MED12L: variants seen among roughly 807,000 people sequenced by gnomAD.
MED12L encodes mediator of RNA polymerase II transcription subunit 12-like protein.
Under a neutral mutation model 281.3 loss-of-function variants are expected in MED12L, and 60 were observed. The ratio of observed to expected loss-of-function variants is 0.21; its 90% CI spans 0.17 to 0.26. The LOEUF (loss-of-function observed/expected upper bound fraction) is 0.26. Among genes scored for constraint, MED12L ranks in the 10% least tolerant of loss-of-function variants. MED12L has a pLI of 1.00. For missense variants in MED12L, 2,146 were observed against 2,680.9 expected (o/e 0.80, Z 4.41); for synonymous variants, 974 against 987.2 (o/e 0.99, Z 0.25).
chr3:151,230,540 G>A (rs1192979183), intron 16 of MED12L, among the ~76,000 whole-genome samples: 13 of 150,264 alleles, frequency 8.7e-5, no homozygotes, highest in African/African-American at 1.5e-4. Context: ...ACTGTGAAAC[G>A]TGCCAGGACT....
At chr3:151,315,645 C>G (rs1196594625) in intron 16 of MED12L, among the ~76,000 whole-genome samples, 2 of 152,118 alleles carry the variant, frequency 1.3e-5, no homozygotes, top group African/African-American at 2.4e-5. Context: ...TTCATGGAGA[C>G]AGTTAATCTC....
At chr3:151,429,347 G>A (rs1226197614) in intron 43 of MED12L, among the ~76,000 whole-genome samples, 2 of 152,188 alleles carry the variant, frequency 1.3e-5, no homozygotes, top group African/African-American at 4.8e-5. Context: ...CAGGCAGCCT[G>A]GTGAGCACAC....
chr3:151,391,469 T>C (rs1714219657), intron 38 of MED12L, among the ~76,000 whole-genome samples: 1 of 152,200 alleles, frequency 6.6e-6, no homozygotes, highest in African/African-American at 2.4e-5. Context: ...TGTTTCTCTC[T>C]TTTTTCTGTT....
At chr3:151,304,573 A>C (rs963500782) in intron 16 of MED12L, among the ~76,000 whole-genome samples, 6 of 144,446 alleles carry the variant, frequency 4.2e-5, no homozygotes, top group Non-Finnish European at 9.1e-5. Context: ...GTCTCAAAAA[A>C]AAATTTTTTT....
intron 16 of MED12L, among the ~76,000 whole-genome samples, chr3:151,323,816 A>G (rs1749269698): frequency 1.3e-5 from 2 of 152,204 alleles, no homozygotes; most frequent in Non-Finnish European, 2.9e-5. Flanking sequence ...TAAATGAACA[A>G]ATGAATCCAC....
Position 151,185,377 on chromosome 3 carries a change from C to T in MED12L, c.1542C>T (p.Ala514=), listed in dbSNP as rs371287709. The T allele has an allele frequency of 7.5e-4, 1,212 of 1,613,792 alleles. 18 individuals are homozygous for T. In the Admixed American group the frequency reaches 0.018, roughly 24 times the overall value. ...EAVVTLLCEW[A]VSCKRSGKHR... is the part of the protein sequence containing the mutation. ...TGGTGACGCTGTTATGTGAATGGGC[C>T]GTGAGCTGCAAACGGTCTGGCAAGC... The change falls in exon 12 of 45, where the codon GCC becomes GCT. Residue 514 remains alanine (A), a synonymous_variant. Coordinates refer to ENST00000687756, the MANE Select transcript of MED12L (RefSeq NM_001393769.1).
intron 16 of MED12L, among the ~76,000 whole-genome samples, chr3:151,207,112 C>T (rs1726486615): frequency 1.4e-5 from 2 of 147,612 alleles, no homozygotes; most frequent in African/African-American, 2.5e-5. Context: ...AGTGGTTATT[C>T]AGAGGTCTAA....
At chr3:151,418,407 T>C (rs1717868012) in intron 43 of MED12L, among the ~76,000 whole-genome samples, 1 of 152,188 alleles carries the variant, frequency 6.6e-6, no homozygotes, top group Non-Finnish European at 1.5e-5. Flanking sequence ...ACATTTTGCA[T>C]TTGGCTTTCA....
chr3:151,129,715 TTGTGTGTG>T (rs62785262), intron 5 of MED12L, among the ~76,000 whole-genome samples: 4,257 of 147,546 alleles, frequency 0.029, 198 homozygotes, highest in African/African-American at 0.094. Flanking sequence ...ATATCTACAT[TTGTGTGTG>T]TGTGTGTGTG....
At position 151,164,725 on chromosome 3, in the gene MED12L, CA is replaced by C. The variant is rs1720454244; in HGVS notation, c.1257+684del. On this transcript the variant is annotated intron_variant, in intron 9 of 44. Transcript: ENST00000687756. ...GGACATGGATGAAGCTGGAAACCAT[CA>C]TTCTCAGCAAACTATTGCAAGGACA... Among the ~76,000 whole-genome samples the C allele has an allele frequency of 4.6e-5, 7 of 152,194 alleles. No homozygotes were observed. The South Asian group carries it at 1.5e-3, about 32-fold the overall frequency.
chr3:151,225,652 T>A (rs2149292710), intron 16 of MED12L, among the ~76,000 whole-genome samples: 1 of 152,322 alleles, frequency 6.6e-6, no homozygotes, highest in African/African-American at 2.4e-5. Context: ...CTCATCCGTG[T>A]TCTGCATTCC....
chr3:151,378,276 A>G, intron 31 of MED12L, 103 bp downstream of exon 31: 1 of 1,210,604 alleles, frequency 8.3e-7, no homozygotes, highest in African/African-American at 1.6e-5. Context: ...GTCCACTGAA[A>G]TTTAGTTTTT....
At chr3:151,202,871 G>A (rs577453948) in intron 16 of MED12L, among the ~76,000 whole-genome samples, 1 of 152,130 alleles carries the variant, frequency 6.6e-6, no homozygotes, top group Non-Finnish European at 1.5e-5. Context: ...GCTCGCTCAG[G>A]TATTCAGTCT....
At chr3:151,137,343 A>G (rs985120159) in intron 5 of MED12L, among the ~76,000 whole-genome samples, 26 of 152,258 alleles carry the variant, frequency 1.7e-4, no homozygotes, top group Admixed American at 1.0e-3. Context: ...TTTTGACATG[A>G]CACCATTTGT....
intron 43 of MED12L, among the ~76,000 whole-genome samples, chr3:151,426,560 T>C (rs1248562050): frequency 1.3e-5 from 2 of 152,200 alleles, no homozygotes; most frequent in Non-Finnish European, 2.9e-5. Flanking sequence ...ATTGTAGATA[T>C]AGATCATGTA....
At chr3:151,370,767 G>C (rs1192100907) in intron 26 of MED12L, among the ~76,000 whole-genome samples, 1 of 152,168 alleles carries the variant, frequency 6.6e-6, no homozygotes, top group Admixed American at 6.6e-5. Context: ...AGCTAGCAAA[G>C]AATCAGTTTT....
intron 16 of MED12L, among the ~76,000 whole-genome samples, chr3:151,222,027 G>T (rs1446133796): frequency 6.6e-6 from 1 of 152,196 alleles, no homozygotes; most frequent in East Asian, 1.9e-4. Context: ...GCGTGACCTG[G>T]GTGTGAGACA....
intron 39 of MED12L, among the ~76,000 whole-genome samples, chr3:151,405,548 G>C (rs1400983394): frequency 2.6e-5 from 4 of 152,162 alleles, no homozygotes; most frequent in African/African-American, 9.7e-5. Flanking sequence ...AAGGTTGGAG[G>C]ATCTCTTGAG....
intron 16 of MED12L, among the ~76,000 whole-genome samples, chr3:151,209,288 GT>G (rs1726806716): frequency 6.6e-6 from 1 of 152,028 alleles, no homozygotes; most frequent in Non-Finnish European, 1.5e-5. Context: ...GCACTTTCTT[GT>G]TTGTTTTTTT....
Sources: allele counts gnomAD v4.1 joint callset (sites outside exome capture counted in the v4.1 genomes callset), GRCh38; gene constraint gnomAD v4.1.1; transcripts MANE v1.5; gene names NCBI Gene and HGNC (gene_info 2026-07-23, HGNC 2026-07-21).